Variants in DPP6 observed in about 807,000 individuals in gnomAD.
DPP6 encodes dipeptidyl peptidase like 6.
Under a neutral mutation model 122.6 loss-of-function variants are expected in DPP6, and 69 were observed. That is an observed-to-expected ratio of 0.56 (90% CI 0.46 to 0.69). The LOEUF (loss-of-function observed/expected upper bound fraction) is 0.69, where lower values mean the gene tolerates loss of function less well. Ranked by LOEUF, DPP6 falls within the 30% of genes least tolerant of loss-of-function variation. The pLI, the probability that DPP6 is intolerant of heterozygous loss-of-function variation, is 0.00. For synonymous variants in DPP6, 418 were observed against 433.1 expected, an observed-to-expected ratio of 0.97 and a Z score of 0.43; for missense variants, 928 against 1,116.9, an observed-to-expected ratio of 0.83 and a Z score of 2.41.
intron 1 of DPP6, among the ~76,000 whole-genome samples, chr7:154,331,531 G>A (rs1365550905): frequency 1.3e-5 from 2 of 152,194 alleles, no homozygotes; most frequent in East Asian, 1.9e-4. Flanking sequence ...ACACTCATCT[G>A]TGGGGAAGCT....
At chr7:154,224,998 C>T (rs1800511421) in intron 1 of DPP6, among the ~76,000 whole-genome samples, 1 of 151,994 alleles carries the variant, frequency 6.6e-6, no homozygotes, top group Non-Finnish European at 1.5e-5. Flanking sequence ...AAAAATTAGC[C>T]AGGCATGGTG....
At chr7:153,873,412 T>A in the DPP6 span, among the ~76,000 whole-genome samples, 2 of 152,216 alleles carry the variant, frequency 1.3e-5, no homozygotes, top group African/African-American at 4.8e-5. Context: ...CACTTAAAAC[T>A]ACGTTTGAGG....
intron 1 of DPP6, among the ~76,000 whole-genome samples, chr7:154,284,791 G>A (rs1327992004): frequency 6.6e-6 from 1 of 152,222 alleles, no homozygotes; most frequent in Non-Finnish European, 1.5e-5. Flanking sequence ...GGAGGTGGAG[G>A]TTGCAGTGAG....
At chr7:153,757,409 C>T in the DPP6 span, among the ~76,000 whole-genome samples, 190 of 152,262 alleles carry the variant, frequency 1.2e-3, no homozygotes, top group African/African-American at 4.5e-3. Flanking sequence ...TCACTGGGGC[C>T]TCGTGGAAAC....
chr7:153,872,559 A>G, the DPP6 span, among the ~76,000 whole-genome samples: 1 of 152,244 alleles, frequency 6.6e-6, no homozygotes, highest in Non-Finnish European at 1.5e-5. Flanking sequence ...GATAGATAAC[A>G]TATACTGAAT....
At chr7:154,379,862 T>C (rs1813441239) in intron 1 of DPP6, among the ~76,000 whole-genome samples, 1 of 152,176 alleles carries the variant, frequency 6.6e-6, no homozygotes, top group African/African-American at 2.4e-5. Flanking sequence ...AAATATGCGC[T>C]TCCTGATATG....
the DPP6 span, among the ~76,000 whole-genome samples, chr7:153,813,038 C>CT: frequency 6.6e-6 from 1 of 151,896 alleles, no homozygotes; most frequent in Non-Finnish European, 1.5e-5. Context: ...TATTATTATA[C>CT]TTTAAGTTTT....
intron 2 of DPP6, among the ~76,000 whole-genome samples, chr7:154,459,819 AAAAAAGAAAAG>A (rs1268235156): frequency 1.2e-4 from 18 of 150,066 alleles, no homozygotes; most frequent in East Asian, 5.8e-4. Flanking sequence ...AAAAAAAAAA[AAAAAAGAAAAG>A]AAAAAGAAAA....
chr7:153,894,140 G>T (rs1186852090), intron 1 of DPP6, among the ~76,000 whole-genome samples: 2 of 152,306 alleles, frequency 1.3e-5, no homozygotes, highest in African/African-American at 4.8e-5. Context: ...CTTGGGGACT[G>T]CCCTGTGACC....
At chr7:153,822,487 G>A in the DPP6 span, among the ~76,000 whole-genome samples, 47 of 152,106 alleles carry the variant, frequency 3.1e-4, no homozygotes, top group African/African-American at 1.0e-3. Context: ...CACTGTGCCC[G>A]GTTAATCATT....
intron 3 of DPP6, among the ~76,000 whole-genome samples, chr7:154,499,556 T>C (rs894450129): frequency 6.6e-6 from 1 of 152,248 alleles, no homozygotes; most frequent in Non-Finnish European, 1.5e-5. Context: ...GGGTTTTAAA[T>C]ATTTTTTAAT....
At position 154,892,423 on chromosome 7, in the gene DPP6, C is replaced by A; in HGVS notation, c.2541C>A (p.Phe847Leu). ...RSIINFFVEC[F>L]RIQDKLLTVT... ...TCATCAACTTCTTCGTGGAATGCTT[C>A]AGGATCCAGGACAAACTGCTGACAG... The change falls in exon 26 of 26, where the codon TTC (phenylalanine) becomes TTA (leucine). Residue 847 changes from phenylalanine to leucine, a missense_variant. Phe to Leu is a conservative substitution (Grantham distance 22). Transcript: ENST00000377770. 6.2e-7 allele frequency: 1 copy of A among 1,614,060 alleles called. No homozygotes were observed. Among genetic ancestry groups the A allele is most frequent in the Non-Finnish European group, 8.5e-7 (1 of 1,179,908 alleles).
At chr7:154,147,565 C>T (rs1477787991) in intron 1 of DPP6, among the ~76,000 whole-genome samples, 6,363 of 144,018 alleles carry the variant, frequency 0.044, no homozygotes, top group African/African-American at 0.16. Context: ...CTGCAACCTC[C>T]GTCTCCCAGG....
intron 1 of DPP6, among the ~76,000 whole-genome samples, chr7:154,255,661 G>A (rs573050710): frequency 4.6e-5 from 7 of 152,230 alleles, no homozygotes; most frequent in Admixed American, 2.6e-4. Flanking sequence ...TCTTCAGTCC[G>A]CCCTCCCTGA....
chr7:154,222,289 C>G (rs550003381), intron 1 of DPP6, among the ~76,000 whole-genome samples: 9 of 152,332 alleles, frequency 5.9e-5, no homozygotes, highest in African/African-American at 2.2e-4. Context: ...CACAGCCACA[C>G]ACAGCCTGTC....
chr7:154,104,936 T>A (rs532330781), intron 1 of DPP6, among the ~76,000 whole-genome samples: 5 of 152,204 alleles, frequency 3.3e-5, no homozygotes, highest in African/African-American at 1.2e-4. Context: ...CACACCTCTG[T>A]GTGTGTGCTT....
At chr7:154,556,577 A>G in intron 4 of DPP6, among the ~76,000 whole-genome samples, 1 of 152,344 alleles carries the variant, frequency 6.6e-6, no homozygotes, top group Middle Eastern at 3.4e-3. Flanking sequence ...AATGTTTTTA[A>G]AAGTCTATAA....
Position 154,606,917 on chromosome 7 carries a change from T to C in DPP6, c.628-30904T>C, listed in dbSNP as rs1312542365. Among the ~76,000 whole-genome samples, 2 of 121,146 alleles carry C rather than the reference T, an allele frequency of 1.7e-5. 1 individual carries two copies. Among genetic ancestry groups the C allele is most frequent in the African/African-American group, 5.3e-5 (2 of 37,954 alleles). The allele number at this position is 121,146 out of a possible 152,430, so 79.5% of individuals were successfully genotyped here. A position where few individuals can be genotyped will look rare whatever the true frequency, so the allele number is the denominator to read the frequency against. On this transcript the variant is annotated intron_variant, in intron 5 of 25. Coordinates refer to ENST00000377770, the MANE Select transcript of DPP6 (RefSeq NM_130797.4). ...TGGCAGCATTCACAGTCCAGAAAAATGTACATAAATGTAAAGATACAGCAT... is the reference window on the plus strand; with the variant it reads ...TGGCAGCATTCACAGTCCAGAAAAACGTACATAAATGTAAAGATACAGCAT...
rs533145057 is a variant in DPP6, at chr7:154,429,294, G to A, written c.244-16920G>A. ...ACGTGCGAGCACAGCAAGGCCTAAC[G>A]AATTTGCTGACGCTCCTCTGACCAC... On this transcript the variant is annotated intron_variant, in intron 1 of 25. Coordinates refer to ENST00000377770, the MANE Select transcript of DPP6 (RefSeq NM_130797.4). Among the ~76,000 whole-genome samples the A allele has an allele frequency of 7.2e-5, 11 of 152,234 alleles. No homozygotes were observed. In the South Asian group the frequency reaches 2.1e-3, roughly 29 times the overall value.
Sources: allele counts gnomAD v4.1 joint callset (sites outside exome capture counted in the v4.1 genomes callset), GRCh38; gene constraint gnomAD v4.1.1; transcripts MANE v1.5; gene names NCBI Gene and HGNC (gene_info 2026-07-23, HGNC 2026-07-21).